Variants in CACNA2D3 observed in about 807,000 individuals in gnomAD.
CACNA2D3 encodes calcium voltage-gated channel auxiliary subunit alpha2delta 3.
A neutral mutation model predicts 160.6 loss-of-function variants in CACNA2D3; 60 were observed. The ratio of observed to expected loss-of-function variants is 0.37; its 90% CI spans 0.30 to 0.46. The LOEUF is 0.46. Ranked by LOEUF, CACNA2D3 falls within the 20% of genes least tolerant of loss-of-function variation. CACNA2D3 has a pLI of 1.00. For synonymous variants in CACNA2D3, 558 were observed against 492.9 expected, an observed-to-expected ratio of 1.13 and a Z score of -1.75; for missense variants, 1,205 against 1,365.0, an observed-to-expected ratio of 0.88 and a Z score of 1.85.
chr3:54,350,144 C>T (rs939485734), intron 3 of CACNA2D3, among the ~76,000 whole-genome samples: 2 of 152,112 alleles, frequency 1.3e-5, no homozygotes, highest in Non-Finnish European at 2.9e-5. Flanking sequence ...TCTTTCAGAA[C>T]TTGTATTGTG....
At chr3:54,973,129 T>C (rs948013233) in intron 29 of CACNA2D3, among the ~76,000 whole-genome samples, 26 of 151,924 alleles carry the variant, frequency 1.7e-4, no homozygotes, top group African/African-American at 6.0e-4. Flanking sequence ...TTGAAGACAA[T>C]TCCTGAAGCC....
intron 2 of CACNA2D3, among the ~76,000 whole-genome samples, chr3:54,256,220 G>A (rs1460206706): frequency 6.6e-6 from 1 of 152,162 alleles, no homozygotes; most frequent in African/African-American, 2.4e-5. Flanking sequence ...GCTATGTGAA[G>A]TCTTGTTGTA....
intron 35 of CACNA2D3, among the ~76,000 whole-genome samples, chr3:55,021,629 ATATATATATATATATGTG>A (rs1703451263): frequency 7.7e-6 from 1 of 129,076 alleles, no homozygotes; most frequent in Non-Finnish European, 1.7e-5. Context: ...GTGTGTGTAT[ATATATATATATATATGTG>A]TATATATATA....
At chr3:54,150,135 G>T (rs1450634239) in intron 2 of CACNA2D3, among the ~76,000 whole-genome samples, 2 of 151,410 alleles carry the variant, frequency 1.3e-5, no homozygotes, top group African/African-American at 2.4e-5. Flanking sequence ...CTCCATAGAA[G>T]AAAAACCCCC....
At chr3:54,214,622 T>G (rs1701429404) in intron 2 of CACNA2D3, among the ~76,000 whole-genome samples, 1 of 152,172 alleles carries the variant, frequency 6.6e-6, no homozygotes, top group Non-Finnish European at 1.5e-5. Flanking sequence ...TGGTTGGTGC[T>G]CCTATTGTTT....
At chr3:54,266,810 T>C (rs2107446181) in intron 2 of CACNA2D3, among the ~76,000 whole-genome samples, 1 of 152,328 alleles carries the variant, frequency 6.6e-6, no homozygotes, top group African/African-American at 2.4e-5. Context: ...CCACCATCAC[T>C]CAGGTGGCCC....
intron 3 of CACNA2D3, among the ~76,000 whole-genome samples, chr3:54,336,487 C>T (rs770843553): frequency 2.0e-4 from 30 of 152,154 alleles, no homozygotes; most frequent in Non-Finnish European, 3.5e-4. Context: ...CAGGCCGGTC[C>T]TTAATGGAGT....
At chr3:54,823,961 A>G (rs532494166) in intron 14 of CACNA2D3, among the ~76,000 whole-genome samples, 2 of 152,352 alleles carry the variant, frequency 1.3e-5, no homozygotes, top group African/African-American at 4.8e-5. Context: ...ACTCATAAAT[A>G]CACTAAATGA....
chr3:54,288,018 A>C (rs1230217673), intron 2 of CACNA2D3, among the ~76,000 whole-genome samples: 1 of 151,928 alleles, frequency 6.6e-6, no homozygotes, highest in Non-Finnish European at 1.5e-5. Flanking sequence ...AAGAACTAGA[A>C]AAGCAAGAGC....
chr3:54,761,222 A>G (rs1357941507), intron 12 of CACNA2D3, among the ~76,000 whole-genome samples: 1 of 152,120 alleles, frequency 6.6e-6, no homozygotes, highest in Non-Finnish European at 1.5e-5. Flanking sequence ...AAGAACTCCT[A>G]CAAGATCCTG....
At chr3:54,717,318 A>G (rs990005121) in intron 11 of CACNA2D3, among the ~76,000 whole-genome samples, 3 of 152,228 alleles carry the variant, frequency 2.0e-5, no homozygotes, top group African/African-American at 7.2e-5. Context: ...ACACTTGTGT[A>G]TACATTTCTA....
intron 17 of CACNA2D3, among the ~76,000 whole-genome samples, chr3:54,851,333 A>G (rs1226600565): frequency 6.6e-6 from 1 of 152,178 alleles, no homozygotes; most frequent in African/African-American, 2.4e-5. Context: ...AAGTGAGGAC[A>G]ACTGTGAGTA....
At chr3:54,176,414 G>T (rs372255733) in intron 2 of CACNA2D3, among the ~76,000 whole-genome samples, 84 of 152,290 alleles carry the variant, frequency 5.5e-4, no homozygotes, top group African/African-American at 1.9e-3. Flanking sequence ...TTCTTTTTGT[G>T]TGGCAGCAAT....
intron 27 of CACNA2D3, among the ~76,000 whole-genome samples, chr3:54,910,021 T>C (rs1373394635): frequency 1.3e-5 from 2 of 152,164 alleles, no homozygotes. Flanking sequence ...TCAAAGGCTT[T>C]TTATTCCCAA....
At chr3:54,625,576 G>A (rs1301286359) in intron 9 of CACNA2D3, among the ~76,000 whole-genome samples, 1 of 152,234 alleles carries the variant, frequency 6.6e-6, no homozygotes, top group Non-Finnish European at 1.5e-5. Flanking sequence ...TGCTATGACA[G>A]TGGAGCGGGC....
chr3:54,441,729 G>C (rs565174039), intron 4 of CACNA2D3, among the ~76,000 whole-genome samples: 1 of 152,234 alleles, frequency 6.6e-6, no homozygotes, highest in East Asian at 1.9e-4. Flanking sequence ...ATGTGTTCTA[G>C]TTCAATTCAA....
At chr3:54,967,865 C>T (rs1338750839) in intron 27 of CACNA2D3, among the ~76,000 whole-genome samples, 1 of 152,148 alleles carries the variant, frequency 6.6e-6, no homozygotes, top group Non-Finnish European at 1.5e-5. Context: ...CTTTAGGAAG[C>T]TTTTCACAGA....
intron 2 of CACNA2D3, among the ~76,000 whole-genome samples, chr3:54,260,999 T>C (rs1702391440): frequency 6.6e-6 from 1 of 152,240 alleles, no homozygotes; most frequent in African/African-American, 2.4e-5. Context: ...TTCACTAGAA[T>C]GTAAACATCA....
chr3:54,778,088 C>T (rs1223591185), intron 13 of CACNA2D3, among the ~76,000 whole-genome samples: 1 of 152,130 alleles, frequency 6.6e-6, no homozygotes, highest in African/African-American at 2.4e-5. Context: ...CTTTTCCTTC[C>T]ACATGGCAGA....
Sources: gnomAD v4.1 joint callset for allele counts (sites outside exome capture counted in the v4.1 genomes callset) on GRCh38, gnomAD v4.1.1 for gene constraint, MANE v1.5 for transcripts, NCBI Gene and HGNC (gene_info 2026-07-23, HGNC 2026-07-21) for gene names.